The following NLGN4X variants were observed in gnomAD, a reference collection of about 807,000 sequenced individuals.
The protein encoded by NLGN4X is neuroligin-4, X-linked.
In NLGN4X, 3 loss-of-function variants were observed where a neutral mutation model predicts 40.3. The observed-to-expected ratio is 0.07, with a 90% CI of 0.03 to 0.19. The LOEUF (loss-of-function observed/expected upper bound fraction) is 0.19. Ranked by LOEUF, NLGN4X falls within the 10% of genes least tolerant of loss-of-function variation. NLGN4X has a pLI of 1.00. For synonymous variants in NLGN4X, 270 were observed against 306.8 expected (o/e 0.88, Z 1.25); for missense variants, 382 against 708.3 (o/e 0.54, Z 5.23).
At chrX:5,990,145 C>T (rs953762833) in intron 3 of NLGN4X, among the ~76,000 whole-genome samples, 6 of 107,192 alleles carry the variant, frequency 5.6e-5, no homozygotes, top group African/African-American at 1.7e-4. Context: ...AAACAACAAG[C>T]GGCGAAGACA....
intron 3 of NLGN4X, among the ~76,000 whole-genome samples, chrX:5,921,148 C>CATATATAT (rs60922455): frequency 9.9e-4 from 90 of 91,026 alleles, no homozygotes; most frequent in African/African-American, 2.2e-3. Flanking sequence ...TATATATATA[C>CATATATAT]ATATATATAT....
intron 3 of NLGN4X, among the ~76,000 whole-genome samples, chrX:5,933,283 T>G (rs7061243): frequency 0.12 from 12,873 of 111,204 alleles, 610 homozygotes; most frequent in African/African-American, 0.13. Flanking sequence ...CTATAATTTC[T>G]ATTTGGCTAA....
chrX:5,924,332 A>C (rs2033188594), intron 3 of NLGN4X, among the ~76,000 whole-genome samples: 1 of 109,088 alleles, frequency 9.2e-6, no homozygotes, highest in Non-Finnish European at 1.9e-5. Flanking sequence ...ATATTCTCAT[A>C]CTTCTAAATG....
chrX:6,126,574 A>T (rs1346956623), intron 2 of NLGN4X, among the ~76,000 whole-genome samples: 1 of 112,100 alleles, frequency 8.9e-6, no homozygotes, highest in Non-Finnish European at 1.9e-5. Flanking sequence ...GTAATTGAAG[A>T]TATCATTTGC....
intron 3 of NLGN4X, among the ~76,000 whole-genome samples, chrX:5,963,074 A>T (rs914385878): frequency 9.1e-6 from 1 of 109,952 alleles, no homozygotes; most frequent in African/African-American, 3.3e-5. Context: ...AATAAGTAGA[A>T]GCCAGAAAAG....
At chrX:6,090,962 G>GAGGAAGAAAAAGAAA (rs1281094261) in intron 2 of NLGN4X, among the ~76,000 whole-genome samples, 110 of 104,469 alleles carry the variant, frequency 1.1e-3, no homozygotes, top group Non-Finnish European at 1.7e-3. Flanking sequence ...GAAAAAGAGA[G>GAGGAAGAAAAAGAAA]AGGAAGAAAA....
intron 2 of NLGN4X, among the ~76,000 whole-genome samples, chrX:6,044,097 T>C (rs1381238745): frequency 2.9e-5 from 1 of 34,727 alleles, no homozygotes; most frequent in Non-Finnish European, 5.4e-5. Flanking sequence ...TGAGAACCTG[T>C]TTCTATTAAA....
At chrX:6,140,820 C>T (rs1172890485) in intron 2 of NLGN4X, among the ~76,000 whole-genome samples, 1 of 109,474 alleles carries the variant, frequency 9.1e-6, no homozygotes, top group African/African-American at 3.3e-5. Flanking sequence ...TCAAGCAATC[C>T]ACCCACCTAG....
At chrX:6,012,639 G>C (rs1410317667) in intron 3 of NLGN4X, among the ~76,000 whole-genome samples, 1 of 111,696 alleles carries the variant, frequency 9.0e-6, no homozygotes. Flanking sequence ...GATATAATTA[G>C]TTAAGGATCT....
At chrX:5,908,709 G>C (rs1452960453) in intron 4 of NLGN4X, among the ~76,000 whole-genome samples, 1 of 111,570 alleles carries the variant, frequency 9.0e-6, no homozygotes, top group Non-Finnish European at 1.9e-5. Flanking sequence ...TGGAGTTTGA[G>C]ACCAGCCCAG....
intron 2 of NLGN4X, among the ~76,000 whole-genome samples, chrX:6,062,090 G>A (rs1285310854): frequency 1.8e-5 from 2 of 111,260 alleles, no homozygotes; most frequent in East Asian, 2.8e-4. Context: ...GATATCTTCC[G>A]TTTGATGTCT....
intron 1 of NLGN4X, among the ~76,000 whole-genome samples, chrX:6,167,882 C>G (rs1191374363): frequency 1.8e-5 from 2 of 111,941 alleles, no homozygotes; most frequent in Non-Finnish European, 3.8e-5. Flanking sequence ...AACCATGGCC[C>G]TTTGAAATCT....
chrX:6,038,854 G>A (rs1325633882), intron 2 of NLGN4X, among the ~76,000 whole-genome samples: 1 of 111,789 alleles, frequency 8.9e-6, no homozygotes, highest in African/African-American at 3.2e-5. Context: ...AGCTTTTGGT[G>A]ACCAGGAAGG....
At chrX:5,948,781 C>A (rs1370382010) in intron 3 of NLGN4X, among the ~76,000 whole-genome samples, 1 of 111,897 alleles carries the variant, frequency 8.9e-6, no homozygotes, top group Non-Finnish European at 1.9e-5. Flanking sequence ...TTCAAACAAC[C>A]TTTTATGAGG....
intron 2 of NLGN4X, among the ~76,000 whole-genome samples, chrX:6,116,641 T>G (rs1027864263): frequency 6.6e-5 from 7 of 105,669 alleles, no homozygotes; most frequent in Middle Eastern, 4.8e-3. Flanking sequence ...GTGATTCTTC[T>G]GCCTCAGCCT....
intron 3 of NLGN4X, among the ~76,000 whole-genome samples, chrX:5,997,861 C>T (rs2035874245): frequency 9.1e-6 from 1 of 110,273 alleles, no homozygotes; most frequent in Non-Finnish European, 1.9e-5. Context: ...TGAAAGAAAA[C>T]ATTGTGTGAT....
intron 3 of NLGN4X, among the ~76,000 whole-genome samples, chrX:5,958,039 T>C (rs965818108): frequency 8.9e-6 from 1 of 111,812 alleles, no homozygotes; most frequent in African/African-American, 3.3e-5. Context: ...ATATAAAAAG[T>C]TGTCATCTTC....
chrX:5,905,738 G>T (rs2032136679), intron 4 of NLGN4X, among the ~76,000 whole-genome samples: 2 of 112,204 alleles, frequency 1.8e-5, no homozygotes, highest in South Asian at 7.4e-4. Context: ...GGAGTGCAGT[G>T]GCGGGATCTT....
chrX:6,225,681 C>CTTTTTTTTTTTTTTTTTTTTTTT lies in NLGN4X; in HGVS notation c.-306+2859_-306+2860insAAAAAAAAAAAAAAAAAAAAAAA, dbSNP rs1569309354. Among the ~76,000 whole-genome samples, 67 of 33,772 alleles carry CTTTTTTTTTTTTTTTTTTTTTTT rather than the reference C, an allele frequency of 2.0e-3. 5 individuals carry two copies. The highest frequency in any genetic ancestry group is 2.7e-3 in the Non-Finnish European group (54 of 19,941). The allele number at this position is 33,772 out of a possible 115,157, so 29.3% of individuals were successfully genotyped here. On this transcript the variant is annotated intron_variant, in intron 1 of 5. Coordinates refer to ENST00000381095, the MANE Select transcript of NLGN4X (RefSeq NM_181332.3). ...CTTTTTCTTTTCCTTTTTTTTCTTTCTTTTTTTCTTTTTTTTTTTTTTTTT... is the reference window on the plus strand; with the variant it reads ...CTTTTTCTTTTCCTTTTTTTTCTTTCTTTTTTTTTTTTTTTTTTTTTTTTTTTTTTCTTTTTTTTTTTTTTTTT...
Sources: gnomAD v4.1 joint callset for allele counts (sites outside exome capture counted in the v4.1 genomes callset) on GRCh38, gnomAD v4.1.1 for gene constraint, MANE v1.5 for transcripts, NCBI Gene and HGNC (gene_info 2026-07-23, HGNC 2026-07-21) for gene names.